AGAP1: variants seen among roughly 807,000 people sequenced by gnomAD.
AGAP1 encodes the protein arf-GAP with GTPase, ANK repeat and PH domain-containing protein 1.
AGAP1 carries 29 observed loss-of-function variants against 105.3 expected under a neutral mutation model. That is an observed-to-expected ratio of 0.28 (90% confidence interval 0.21 to 0.38). The LOEUF is 0.38. AGAP1 is among the 10% of genes least tolerant of loss of function. AGAP1 has a pLI of 1.00. For missense variants in AGAP1, 998 were observed against 1,165.1 expected, an observed-to-expected ratio of 0.86 and a Z score of 2.09; for synonymous variants, 509 against 485.9, an observed-to-expected ratio of 1.05 and a Z score of -0.63.
intron 1 of AGAP1, among the ~76,000 whole-genome samples, chr2:235,496,059 G>A (rs549133282): frequency 2.0e-5 from 3 of 152,356 alleles, no homozygotes; most frequent in African/African-American, 7.2e-5. Context: ...TTGGCACTAT[G>A]TAGTCTGAAC....
In AGAP1 at chr2:235,855,923, T is replaced by C. The variant is rs2048666438; in HGVS notation, c.1051-27422T>C. Among the ~76,000 whole-genome samples the C allele has an allele frequency of 6.6e-6, 1 of 152,062 alleles. No individual in the cohort carries two copies. Among genetic ancestry groups the C allele is most frequent in the African/African-American group, 2.4e-5 (1 of 41,400 alleles). Reference sequence around the variant, plus strand: ...ATTATTATTATCATTATTATTATTATTTTCTTTTGAGATGGAGTCTCGCTC... The same window carrying C: ...ATTATTATTATCATTATTATTATTACTTTCTTTTGAGATGGAGTCTCGCTC... On this transcript the variant is annotated intron_variant, in intron 9 of 17. Coordinates refer to ENST00000304032, the MANE Select transcript of AGAP1 (RefSeq NM_001037131.3). The surrounding 1 kb of genome is among the most constrained non-coding windows in gnomAD (Gnocchi z 5.0).
intron 1 of AGAP1, among the ~76,000 whole-genome samples, chr2:235,687,868 TG>T (rs1949537662): frequency 6.7e-6 from 1 of 150,174 alleles, no homozygotes; most frequent in African/African-American, 2.4e-5. Flanking sequence ...CTTTTTTTTT[TG>T]GATTTTTCTT....
chr2:235,969,528 T>C (rs1211930926), intron 13 of AGAP1, among the ~76,000 whole-genome samples: 1 of 152,162 alleles, frequency 6.6e-6, no homozygotes, highest in African/African-American at 2.4e-5. Flanking sequence ...AGGGGCAACA[T>C]TTATGGCTTC....
rs190809521 is a variant in AGAP1, at chr2:236,056,985, T to C, written c.2114+7704T>C. Among the ~76,000 whole-genome samples, 2 of 152,318 alleles carry C rather than the reference T, an allele frequency of 1.3e-5. No homozygotes were observed. The highest frequency in any genetic ancestry group is 3.9e-4 in the East Asian group (2 of 5,184). On this transcript the variant is annotated intron_variant, in intron 16 of 17. Coordinates refer to ENST00000304032, the MANE Select transcript of AGAP1 (RefSeq NM_001037131.3). The surrounding 1 kb of genome is among the most constrained non-coding windows in gnomAD (Gnocchi z 4.6). ...TTTCTATCTCAGTAGCCATCGTGTG[T>C]CAAACTTACTAAATGAGTAGTGCAA...
chr2:236,111,436 A>G (rs1245018601), intron 16 of AGAP1, among the ~76,000 whole-genome samples: 2 of 151,860 alleles, frequency 1.3e-5, no homozygotes, highest in Non-Finnish European at 2.9e-5. Context: ...GGATCACTTG[A>G]GCCCAAAGCA....
In AGAP1 at chr2:235,608,074, G is replaced by A. The variant is rs937865259; in HGVS notation, c.164-101105G>A. The stretch of plus-strand genomic sequence containing the variant: ...CATAGTCTGCCTGTCTCAGAGCGTG[G>A]GCGGGTTGGCATCGTCTGCACGTTG... On this transcript the variant is annotated intron_variant, in intron 1 of 17. Coordinates refer to ENST00000304032, the MANE Select transcript of AGAP1 (RefSeq NM_001037131.3). This position sits in a 1 kb window ranked among gnomAD's most constrained non-coding sequence, Gnocchi z 5.4. Among the ~76,000 whole-genome samples the A allele has an allele frequency of 1.3e-5, 2 of 152,174 alleles. No homozygotes were observed.
chr2:235,807,300 T>C lies in AGAP1; in HGVS notation c.1019T>C (p.Ile340Thr), dbSNP rs751388197. ...GGCCTGGAGAGTCGTGCGGACAGCA[T>C]TGGGAGCGGCCGAGCCATCCCAATT... ...KKGLESRADS[I>T]GSGRAIPIKQ... The change falls in exon 9 of 18, where the codon ATT becomes ACT. Residue 340 changes from isoleucine to threonine, a missense_variant. Coordinates refer to ENST00000304032, the MANE Select transcript of AGAP1 (RefSeq NM_001037131.3). 8.0e-5 allele frequency: 128 copies of C among 1,602,070 alleles called. No homozygotes were observed. The highest frequency in any genetic ancestry group is 9.9e-5 in the Non-Finnish European group (117 of 1,176,752).
intron 1 of AGAP1, among the ~76,000 whole-genome samples, chr2:235,505,503 T>C (rs928552052): frequency 6.6e-6 from 1 of 152,172 alleles, no homozygotes; most frequent in African/African-American, 2.4e-5. Flanking sequence ...AAGTGGCTAA[T>C]GTGAGAATCA....
At position 235,621,416 on chromosome 2, in the gene AGAP1, G is replaced by A. The variant is rs1032136296; in HGVS notation, c.164-87763G>A. On this transcript the variant is annotated intron_variant, in intron 1 of 17. Transcript: ENST00000304032. This position sits in a 1 kb window ranked among gnomAD's most constrained non-coding sequence, Gnocchi z 4.1. ...TACCTCCCAGAGTGGTTGGGGTTAC[G>A]TGAAGTAAGCTTAGACACGGCCGAA... is the stretch of plus-strand genomic sequence containing the variant. 6.6e-6 allele frequency among the ~76,000 whole-genome samples: 1 copy of A among 152,202 alleles called. No individual in the cohort carries two copies. Among genetic ancestry groups the A allele is most frequent in the Non-Finnish European group, 1.5e-5 (1 of 68,042 alleles).
chr2:235,731,250 G>A (rs1007229154), intron 3 of AGAP1, among the ~76,000 whole-genome samples: 4 of 152,168 alleles, frequency 2.6e-5, no homozygotes, highest in Non-Finnish European at 5.9e-5. Context: ...GAACCAGATT[G>A]TATCATTGGC....
intron 13 of AGAP1, among the ~76,000 whole-genome samples, chr2:235,986,464 T>G (rs537665201): frequency 6.6e-6 from 1 of 152,316 alleles, no homozygotes; most frequent in South Asian, 2.1e-4. Context: ...ACCCTTTATT[T>G]TCTTCTCTTG....
chr2:235,784,208 A>C (rs1575453337), intron 6 of AGAP1, among the ~76,000 whole-genome samples: 1 of 152,200 alleles, frequency 6.6e-6, no homozygotes, highest in South Asian at 2.1e-4. Flanking sequence ...AGATAAACCT[A>C]ATTTAATGTG....
chr2:235,697,788 G>C (rs1180991234), intron 1 of AGAP1, among the ~76,000 whole-genome samples: 1 of 152,154 alleles, frequency 6.6e-6, no homozygotes, highest in Admixed American at 6.5e-5. Context: ...AATGAAAACT[G>C]TCAGGCCCAA....
rs1222393439 is a variant in AGAP1, at chr2:236,131,693, G to GT, written c.*7572dup. On this transcript the variant is annotated 3_prime_UTR_variant, in exon 18 of 18. Coordinates refer to ENST00000304032, the MANE Select transcript of AGAP1 (RefSeq NM_001037131.3). The surrounding 1 kb of genome is among the most constrained non-coding windows in gnomAD (Gnocchi z 5.9). ...GGGATTTTTTTGTGTCCGCTGTACA[G>GT]TATTCTAAGGGAAAAAGAAAAAGAA... The GT allele has an allele frequency of 6.6e-6, 1 of 152,042 alleles. No individual in the cohort carries two copies. The highest frequency in any genetic ancestry group is 1.5e-5 in the Non-Finnish European group (1 of 68,006). The allele number at this position is 152,042 out of a possible 1,614,324, so 9.4% of individuals were successfully genotyped here.
rs1432467478 is a variant in AGAP1, at chr2:235,934,111, G to A, written c.1483+3188G>A. Among the ~76,000 whole-genome samples the A allele has an allele frequency of 6.6e-6, 1 of 152,144 alleles. No homozygotes were observed. Among genetic ancestry groups the A allele is most frequent in the African/African-American group, 2.4e-5 (1 of 41,428 alleles). ...TGCATGTCAAGGTGTGCCTCCAGGAGCAGCAGCAGCAGCAGCCCCTGGGAA... is the reference window on the plus strand; with the variant it reads ...TGCATGTCAAGGTGTGCCTCCAGGAACAGCAGCAGCAGCAGCCCCTGGGAA... On this transcript the variant is annotated intron_variant, in intron 12 of 17. Coordinates refer to ENST00000304032, the MANE Select transcript of AGAP1 (RefSeq NM_001037131.3). The surrounding 1 kb of genome is among the most constrained non-coding windows in gnomAD (Gnocchi z 4.9).
At chr2:236,069,000 G>A (rs2058426374) in intron 16 of AGAP1, among the ~76,000 whole-genome samples, 1 of 151,220 alleles carries the variant, frequency 6.6e-6, no homozygotes, top group Non-Finnish European at 1.5e-5. Flanking sequence ...GGTGGTGCAT[G>A]CCTGTAATCC....
intron 10 of AGAP1, among the ~76,000 whole-genome samples, chr2:235,894,873 C>CT (rs1213407761): frequency 1.3e-5 from 2 of 152,244 alleles, no homozygotes; most frequent in Non-Finnish European, 2.9e-5. Flanking sequence ...GCCCCACCCG[C>CT]TTCCATGTTG....
Position 235,908,574 on chromosome 2 carries a change from T to C in AGAP1, c.1156-164T>C, listed in dbSNP as rs2051418898. Among the ~76,000 whole-genome samples the C allele has an allele frequency of 6.6e-6, 1 of 152,146 alleles. No individual in the cohort carries two copies. Among genetic ancestry groups the C allele is most frequent in the South Asian group, 2.1e-4 (1 of 4,816 alleles). On this transcript the variant is annotated intron_variant, in intron 10 of 17. Coordinates refer to ENST00000304032, the MANE Select transcript of AGAP1 (RefSeq NM_001037131.3). This position sits in a 1 kb window ranked among gnomAD's most constrained non-coding sequence, Gnocchi z 4.4. ...TCTGATTTAAATATAATAATGATGT[T>C]ACCAGTACTCTATAGATAAAAATCT... is the stretch of plus-strand genomic sequence containing the variant.
chr2:236,030,061 A>G (rs1216193355), intron 13 of AGAP1, among the ~76,000 whole-genome samples: 2 of 152,140 alleles, frequency 1.3e-5, no homozygotes, highest in African/African-American at 4.8e-5. Context: ...TGTTCTTGAG[A>G]GAGAGTTTAT....
Sources: gnomAD v4.1 joint callset for allele counts (sites outside exome capture counted in the v4.1 genomes callset) on GRCh38, gnomAD v4.1.1 for gene constraint, Gnocchi (gnomAD v3.1) non-coding constraint, MANE v1.5 for transcripts, NCBI Gene and HGNC (gene_info 2026-07-23, HGNC 2026-07-21) for gene names.